Variants in AFG2A observed in about 807,000 individuals in gnomAD.
AFG2A encodes the protein ATPase family gene 2 protein homolog A.
the AFG2A span, among the ~76,000 whole-genome samples, chr4:123,155,765 G>A: frequency 6.6e-6 from 1 of 152,050 alleles, no homozygotes; most frequent in Non-Finnish European, 1.5e-5. Flanking sequence ...CTCAGATTTT[G>A]GTATCTGCAG....
chr4:123,167,881 T>C, the AFG2A span, among the ~76,000 whole-genome samples: 1 of 152,196 alleles, frequency 6.6e-6, no homozygotes, highest in Non-Finnish European at 1.5e-5. Context: ...ATTTTAATTT[T>C]GTTAGGTCAT....
the AFG2A span, among the ~76,000 whole-genome samples, chr4:123,181,904 T>C: frequency 4.6e-5 from 7 of 152,212 alleles, no homozygotes; most frequent in Non-Finnish European, 8.8e-5. Flanking sequence ...GAAAATAATT[T>C]AGTCATGTTA....
At chr4:123,231,080 T>C in the AFG2A span, among the ~76,000 whole-genome samples, 1 of 151,970 alleles carries the variant, frequency 6.6e-6, no homozygotes, top group Admixed American at 6.6e-5. Context: ...TGGCTTCAAC[T>C]TATATTTACC....
chr4:123,231,832 A>G, the AFG2A span, among the ~76,000 whole-genome samples: 13 of 151,938 alleles, frequency 8.6e-5, no homozygotes, highest in Admixed American at 1.3e-4. Flanking sequence ...GCCCAAGGAG[A>G]GGGAGAAAAG....
At chr4:123,087,808 C>T in the AFG2A span, among the ~76,000 whole-genome samples, 1 of 152,270 alleles carries the variant, frequency 6.6e-6, no homozygotes, top group African/African-American at 2.4e-5. Flanking sequence ...CAGTGATTTG[C>T]CCTGTGACCT....
At chr4:123,190,511 C>T in the AFG2A span, among the ~76,000 whole-genome samples, 3 of 152,136 alleles carry the variant, frequency 2.0e-5, no homozygotes, top group African/African-American at 7.2e-5. Context: ...TTTCATCTTT[C>T]CTGTGCATAT....
At chr4:123,007,629 TAC>T in the AFG2A span, among the ~76,000 whole-genome samples, 7 of 99,122 alleles carry the variant, frequency 7.1e-5, no homozygotes, top group Non-Finnish European at 1.1e-4. Flanking sequence ...TATATATATA[TAC>T]ACACACACAC....
the AFG2A span, among the ~76,000 whole-genome samples, chr4:123,032,996 A>G: frequency 6.6e-6 from 1 of 152,322 alleles, no homozygotes; most frequent in Admixed American, 6.5e-5. Context: ...TGATGAGTTT[A>G]TCAGGACATA....
At chr4:123,115,248 A>C in the AFG2A span, among the ~76,000 whole-genome samples, 3 of 151,454 alleles carry the variant, frequency 2.0e-5, no homozygotes, top group African/African-American at 7.3e-5. Context: ...GCCGGGGGGC[A>C]CCTCTGGGGC....
At chr4:122,927,008 C>G in the AFG2A span, among the ~76,000 whole-genome samples, 1 of 150,300 alleles carries the variant, frequency 6.7e-6, no homozygotes, top group African/African-American at 2.5e-5. Context: ...AAATATGGAG[C>G]TTGGTGGGGG....
chr4:123,033,841 G>A, the AFG2A span, among the ~76,000 whole-genome samples: 1 of 152,216 alleles, frequency 6.6e-6, no homozygotes, highest in Non-Finnish European at 1.5e-5. Context: ...TACATTATAA[G>A]CTTTGGGGAG....
the AFG2A span, among the ~76,000 whole-genome samples, chr4:123,243,706 C>T: frequency 2.0e-5 from 3 of 152,020 alleles, no homozygotes; most frequent in Non-Finnish European, 4.4e-5. Flanking sequence ...TGTAATAAAC[C>T]TGCACGTTGT....
chr4:122,970,012 G>C, the AFG2A span, among the ~76,000 whole-genome samples: 1 of 152,104 alleles, frequency 6.6e-6, no homozygotes, highest in Non-Finnish European at 1.5e-5. Context: ...CCATTGTAAA[G>C]TAGTAGTGTA....
the AFG2A span, among the ~76,000 whole-genome samples, chr4:123,204,627 T>G: frequency 1.3e-5 from 2 of 152,224 alleles, no homozygotes; most frequent in South Asian, 4.1e-4. Flanking sequence ...TTTAATTCTC[T>G]TAACAGGGAC....
At chr4:123,077,740 G>A in the AFG2A span, among the ~76,000 whole-genome samples, 1 of 152,166 alleles carries the variant, frequency 6.6e-6, no homozygotes, top group South Asian at 2.1e-4. Context: ...GATGAATTGT[G>A]TAGCTTCTGA....
chr4:122,924,471 C>T, the AFG2A span, among the ~76,000 whole-genome samples: 3 of 152,152 alleles, frequency 2.0e-5, no homozygotes, highest in Non-Finnish European at 4.4e-5. Flanking sequence ...TTGACCATTC[C>T]CTCCTTCTCG....
At chr4:123,272,226 T>C in the AFG2A span, among the ~76,000 whole-genome samples, 2 of 152,180 alleles carry the variant, frequency 1.3e-5, no homozygotes, top group African/African-American at 4.8e-5. Flanking sequence ...TGTTGACAGA[T>C]AATCCATTCT....
At chr4:122,997,517 C>T in the AFG2A span, among the ~76,000 whole-genome samples, 600 of 152,106 alleles carry the variant, frequency 3.9e-3, 2 homozygotes, top group African/African-American at 0.013. Flanking sequence ...GTTGATATAG[C>T]CCATTTGATT....
At chr4:123,022,299 A>G in the AFG2A span, among the ~76,000 whole-genome samples, 1,855 of 152,234 alleles carry the variant, frequency 0.012, 43 homozygotes, top group African/African-American at 0.041. Context: ...CTGACAAAGG[A>G]CTAATATCCA....
Sources: allele counts gnomAD v4.1 joint callset (sites outside exome capture counted in the v4.1 genomes callset), GRCh38; gene constraint gnomAD v4.1.1; transcripts MANE v1.5; gene names NCBI Gene and HGNC (gene_info 2026-07-23, HGNC 2026-07-21).